The following KMT2C variants were observed in gnomAD, a reference collection of about 807,000 sequenced individuals.
The protein encoded by KMT2C is lysine methyltransferase 2C, also known as histone-lysine N-methyltransferase 2C.
In KMT2C, 88 loss-of-function variants were observed where a neutral mutation model predicts 507.9. That is an observed-to-expected ratio of 0.17 (90% CI 0.15 to 0.21). The LOEUF is 0.21. Ranked by LOEUF, KMT2C falls within the 10% of genes least tolerant of loss-of-function variation. The pLI, the probability that KMT2C is intolerant of heterozygous loss-of-function variation, is 1.00. For missense variants in KMT2C, 4,954 were observed against 5,957.8 expected, an observed-to-expected ratio of 0.83 and a Z score of 5.55; for synonymous variants, 2,049 against 2,080.8, an observed-to-expected ratio of 0.98 and a Z score of 0.42.
chr7:152,374,324 GTAATAA>G (rs10598169), intron 1 of KMT2C, among the ~76,000 whole-genome samples: 1 of 149,946 alleles, frequency 6.7e-6, no homozygotes, highest in African/African-American at 2.5e-5. Context: ...TCAAAAAATA[GTAATAA>G]TAATAATAAT....
chr7:152,154,647 T>C (rs557742080), intron 46 of KMT2C, among the ~76,000 whole-genome samples: 1 of 152,254 alleles, frequency 6.6e-6, no homozygotes, highest in Non-Finnish European at 1.5e-5. Flanking sequence ...ATTTAAATGG[T>C]ATGTTTCCTT....
chr7:152,212,958 T>C (rs2094488435), intron 23 of KMT2C, among the ~76,000 whole-genome samples: 2 of 152,322 alleles, frequency 1.3e-5, no homozygotes, highest in South Asian at 2.1e-4. Flanking sequence ...GGCAGCAGAA[T>C]TGCTTGAACC....
intron 38 of KMT2C, among the ~76,000 whole-genome samples, chr7:152,174,690 C>T (rs2093118541): frequency 6.6e-6 from 1 of 152,022 alleles, no homozygotes. Flanking sequence ...AACCTATTTG[C>T]ATCTAAATGA....
intron 37 of KMT2C, among the ~76,000 whole-genome samples, chr7:152,178,998 T>A (rs2093331829): frequency 6.6e-6 from 1 of 152,198 alleles, no homozygotes. Flanking sequence ...ATTATTATTA[T>A]TTTTTAAATT....
chr7:152,434,820 C>T (rs1338048826), intron 1 of KMT2C, among the ~76,000 whole-genome samples: 2 of 152,170 alleles, frequency 1.3e-5, no homozygotes, highest in Non-Finnish European at 2.9e-5. Flanking sequence ...GACCCTATTC[C>T]CAAGCCCCTT....
chr7:152,384,548 A>ACACCAT (rs2097403346), intron 1 of KMT2C, among the ~76,000 whole-genome samples: 1 of 62,174 alleles, frequency 1.6e-5, no homozygotes, highest in Middle Eastern at 6.1e-3. Flanking sequence ...CATGTGCATA[A>ACACCAT]CACCACCACC....
intron 33 of KMT2C, among the ~76,000 whole-genome samples, chr7:152,186,812 GT>G (rs1016939743): frequency 6.6e-5 from 10 of 151,980 alleles, no homozygotes; most frequent in African/African-American, 2.2e-4. Flanking sequence ...ATTATCATCT[GT>G]TTTTTTCAAG....
At chr7:152,220,990 C>A (rs2094747595) in intron 22 of KMT2C, among the ~76,000 whole-genome samples, 1 of 152,172 alleles carries the variant, frequency 6.6e-6, no homozygotes, top group Non-Finnish European at 1.5e-5. Context: ...TGCAGGGGCT[C>A]ATGCCTGTAA....
At chr7:152,357,918 G>GA (rs2097165534) in intron 2 of KMT2C, among the ~76,000 whole-genome samples, 1 of 152,158 alleles carries the variant, frequency 6.6e-6, no homozygotes, top group South Asian at 2.1e-4. Context: ...CAACTTCAGA[G>GA]AAAAAGCCTA....
intron 9 of KMT2C, among the ~76,000 whole-genome samples, chr7:152,258,955 T>C (rs1467833959): frequency 6.6e-6 from 1 of 152,170 alleles, no homozygotes; most frequent in African/African-American, 2.4e-5. Flanking sequence ...GACAACAGCC[T>C]GACCAGGTGA....
At chr7:152,391,245 G>GT (rs1188526121) in intron 1 of KMT2C, among the ~76,000 whole-genome samples, 2 of 127,588 alleles carry the variant, frequency 1.6e-5, no homozygotes, top group Non-Finnish European at 3.4e-5. Context: ...TTTTTTGTTT[G>GT]TTTTTTTGTT....
At chr7:152,432,670 G>GT (rs2097874214) in intron 1 of KMT2C, among the ~76,000 whole-genome samples, 1 of 152,146 alleles carries the variant, frequency 6.6e-6, no homozygotes, top group African/African-American at 2.4e-5. Context: ...TGTAAAAGCA[G>GT]TAACTATATA....
chr7:152,205,340 G>T, intron 24 of KMT2C, 115 bp from the exon 25 acceptor site: 3 of 509,720 alleles, frequency 5.9e-6, no homozygotes, highest in Admixed American at 3.9e-5. Flanking sequence ...AATTAAATCT[G>T]TGCTAATCTA....
At chr7:152,222,779 A>C in intron 20 of KMT2C, 97 bp from the exon 21 acceptor site, 1 of 701,220 alleles carries the variant, frequency 1.4e-6, no homozygotes. Flanking sequence ...CAAACTTAAA[A>C]GCCCTAAGCC....
At chr7:152,280,686 GA>G (rs2096192670) in intron 6 of KMT2C, among the ~76,000 whole-genome samples, 1 of 152,148 alleles carries the variant, frequency 6.6e-6, no homozygotes, top group Non-Finnish European at 1.5e-5. Context: ...ACCTTAAACA[GA>G]GAGCACAGGT....
At chr7:152,214,339 T>G (rs1289704948) in intron 23 of KMT2C, among the ~76,000 whole-genome samples, 1 of 152,172 alleles carries the variant, frequency 6.6e-6, no homozygotes, top group East Asian at 1.9e-4. Flanking sequence ...GACAATTTAC[T>G]TACCCATTCA....
At chr7:152,348,028 C>T (rs2129224166) in intron 2 of KMT2C, among the ~76,000 whole-genome samples, 1 of 152,226 alleles carries the variant, frequency 6.6e-6, no homozygotes, top group South Asian at 2.1e-4. Flanking sequence ...CTACAGATCC[C>T]ATGGAATCTT....
intron 1 of KMT2C, among the ~76,000 whole-genome samples, chr7:152,365,792 G>A (rs979607598): frequency 1.3e-5 from 2 of 152,074 alleles, no homozygotes; most frequent in African/African-American, 4.8e-5. Flanking sequence ...TATTTCAATT[G>A]TCTTTCAGGT....
At chr7:152,409,617 G>A (rs992281095) in intron 1 of KMT2C, among the ~76,000 whole-genome samples, 51 of 151,400 alleles carry the variant, frequency 3.4e-4, no homozygotes, top group Non-Finnish European at 4.4e-4. Context: ...TGTAGTCCCA[G>A]CTTCTTGGGA....
Sources: allele counts gnomAD v4.1 joint callset (sites outside exome capture counted in the v4.1 genomes callset), GRCh38; gene constraint gnomAD v4.1.1; transcripts MANE v1.5; gene names NCBI Gene and HGNC (gene_info 2026-07-23, HGNC 2026-07-21).